Variants in TRABD2A observed in about 807,000 individuals in gnomAD.
TRABD2A encodes the protein metalloprotease TIKI1.
In TRABD2A, 43 loss-of-function variants were observed where a neutral mutation model predicts 45.6. The observed-to-expected ratio is 0.94, with a 90% CI of 0.74 to 1.22. The LOEUF (loss-of-function observed/expected upper bound fraction) is 1.22. TRABD2A is among the 50% of genes most tolerant of loss of function. The probability of loss-of-function intolerance (pLI) is 0.00; values close to 1 mark genes in which losing one functional copy is unlikely to be tolerated. For synonymous variants in TRABD2A, 269 were observed against 265.0 expected, an observed-to-expected ratio of 1.02 and a Z score of -0.15; for missense variants, 642 against 652.4, an observed-to-expected ratio of 0.98 and a Z score of 0.17.
At chr2:84,841,799 G>T in intron 3 of TRABD2A, 62 bp downstream of exon 3, 1 of 1,428,174 alleles carries the variant, frequency 7.0e-7, no homozygotes, top group Non-Finnish European at 9.2e-7. Context: ...ATGTTGCCAG[G>T]TAATGTTTTT....
chr2:84,831,025 G>A (rs1681314814), intron 5 of TRABD2A, among the ~76,000 whole-genome samples: 1 of 152,028 alleles, frequency 6.6e-6, no homozygotes, highest in South Asian at 2.1e-4. Flanking sequence ...GGATATTAGG[G>A]GCTGATGTGT....
chr2:84,842,586 G>A (rs1681748046), intron 2 of TRABD2A, among the ~76,000 whole-genome samples: 1 of 152,184 alleles, frequency 6.6e-6, no homozygotes, highest in South Asian at 2.1e-4. Flanking sequence ...AAAATTAGCT[G>A]GGCATGGTGG....
intron 1 of TRABD2A, chr2:84,874,689 C>T: frequency 5.4e-6 from 1 of 186,390 alleles, no homozygotes. Context: ...CTCATCTGTG[C>T]TGGCCACCAA....
intron 6 of TRABD2A, among the ~76,000 whole-genome samples, chr2:84,822,656 T>C (rs1681031623): frequency 6.6e-6 from 1 of 152,170 alleles, no homozygotes; most frequent in African/African-American, 2.4e-5. Flanking sequence ...ATGGCCTTGT[T>C]TGAAAAAGTA....
At chr2:84,829,878 C>T (rs1681274237) in intron 5 of TRABD2A, among the ~76,000 whole-genome samples, 1 of 150,014 alleles carries the variant, frequency 6.7e-6, no homozygotes, top group Admixed American at 6.7e-5. Flanking sequence ...ATGCACACTA[C>T]ACACACACAC....
intron 2 of TRABD2A, among the ~76,000 whole-genome samples, chr2:84,852,361 A>G (rs1265031355): frequency 6.6e-6 from 1 of 152,158 alleles, no homozygotes; most frequent in Non-Finnish European, 1.5e-5. Flanking sequence ...CACAACCAGC[A>G]TGACCATGCG....
intron 6 of TRABD2A, among the ~76,000 whole-genome samples, chr2:84,822,328 C>T (rs547220140): frequency 6.6e-6 from 1 of 152,364 alleles, no homozygotes; most frequent in South Asian, 2.1e-4. Context: ...GACTGGCTAA[C>T]TGTCCCTGGC....
chr2:84,877,730 G>C (rs913791160), intron 1 of TRABD2A, among the ~76,000 whole-genome samples: 9 of 152,104 alleles, frequency 5.9e-5, no homozygotes, highest in African/African-American at 2.2e-4. Flanking sequence ...AAAGAACAAG[G>C]CACAATGACA....
At chr2:84,878,384 G>C (rs529323485) in intron 1 of TRABD2A, among the ~76,000 whole-genome samples, 1 of 152,206 alleles carries the variant, frequency 6.6e-6, no homozygotes, top group South Asian at 2.1e-4. Context: ...AATTAGCCGG[G>C]CTTGGTGGTG....
intron 1 of TRABD2A, among the ~76,000 whole-genome samples, chr2:84,873,527 G>A (rs1014205317): frequency 1.3e-5 from 2 of 152,218 alleles, no homozygotes; most frequent in African/African-American, 4.8e-5. Flanking sequence ...CAGTAATAAG[G>A]GCCCCTGAGG....
intron 5 of TRABD2A, among the ~76,000 whole-genome samples, chr2:84,831,491 G>A (rs1007029862): frequency 2.0e-5 from 3 of 151,316 alleles, no homozygotes; most frequent in Admixed American, 1.3e-4. Flanking sequence ...GGCCTCCTGA[G>A]TTCTTTACAG....
intron 2 of TRABD2A, among the ~76,000 whole-genome samples, chr2:84,859,877 C>G (rs1682434905): frequency 6.6e-6 from 1 of 152,128 alleles, no homozygotes; most frequent in African/African-American, 2.4e-5. Flanking sequence ...CATTCTACAT[C>G]ACAGGTAGGA....
intron 2 of TRABD2A, among the ~76,000 whole-genome samples, chr2:84,847,628 AG>A (rs1046101324): frequency 5.3e-5 from 8 of 152,228 alleles, no homozygotes; most frequent in African/African-American, 1.9e-4. Context: ...AGCAGGCACA[AG>A]GGTCCTGGAT....
intron 2 of TRABD2A, among the ~76,000 whole-genome samples, chr2:84,859,905 G>A (rs1682435693): frequency 6.6e-6 from 1 of 151,956 alleles, no homozygotes; most frequent in East Asian, 1.9e-4. Context: ...AGTCCAAATG[G>A]CCTATCTGGC....
chr2:84,839,229 C>G lies in TRABD2A; in HGVS notation c.911G>C (p.Arg304Pro), dbSNP rs1286351398. ...CACCCGCTTCCCTATTCTCTCATTC[C>G]GCTTGTAGATCAGCTCCCGGCGTAA... ...SYLRRELIYK[R>P]NERIGKRVKA... The change falls in exon 4 of 7, where the codon CGG becomes CCG. Residue 304 changes from arginine (R) to proline (P), a missense_variant. Coordinates refer to ENST00000409520, the MANE Select transcript of TRABD2A (RefSeq NM_001277053.2). 1 of 1,613,802 alleles carries G rather than the reference C, an allele frequency of 6.2e-7. No individual in the cohort carries two copies. Among genetic ancestry groups the G allele is most frequent in the Non-Finnish European group, 8.5e-7 (1 of 1,179,890 alleles).
chr2:84,867,570 C>A, intron 2 of TRABD2A, among the ~76,000 whole-genome samples: 1 of 152,102 alleles, frequency 6.6e-6, no homozygotes, highest in Non-Finnish European at 1.5e-5. Context: ...GCAACAAAAG[C>A]CAAAATTGAC....
chr2:84,843,383 CA>C (rs1192738510), intron 2 of TRABD2A, among the ~76,000 whole-genome samples: 2 of 152,200 alleles, frequency 1.3e-5, no homozygotes, highest in African/African-American at 4.8e-5. Context: ...TACCCAGCCC[CA>C]ACCCCTTTCT....
chr2:84,836,391 A>T (rs1399128128), intron 4 of TRABD2A: 1 of 152,178 alleles, frequency 6.6e-6, no homozygotes, highest in Non-Finnish European at 1.5e-5. Flanking sequence ...TCTGGCTTGC[A>T]TGGCTTCTGA....
chr2:84,839,287 C>T lies in TRABD2A; in HGVS notation c.853G>A (p.Glu285Lys). ...NFINATLPPQ[E>K]RITAQEIDSY... is the part of the protein sequence containing the mutation. Reference sequence around the variant, plus strand: ...TCAATCTCCTGAGCAGTGATGCGCTCCTGAGGTGGTAGCGTGGCATTAATA... The same window carrying T: ...TCAATCTCCTGAGCAGTGATGCGCTTCTGAGGTGGTAGCGTGGCATTAATA... The change falls in exon 4 of 7, where the codon GAG becomes AAG. Residue 285 changes from glutamate (E) to lysine (K), a missense_variant. Physicochemically the swap from Glu to Lys is moderately conservative, Grantham distance 56 (BLOSUM62 1). Coordinates refer to ENST00000409520, the MANE Select transcript of TRABD2A (RefSeq NM_001277053.2). The T allele has an allele frequency of 6.2e-7, 1 of 1,613,386 alleles. No individual in the cohort carries two copies. The highest frequency in any genetic ancestry group is 8.5e-7 in the Non-Finnish European group (1 of 1,179,684).
Sources: gnomAD v4.1 joint callset for allele counts (sites outside exome capture counted in the v4.1 genomes callset) on GRCh38, gnomAD v4.1.1 for gene constraint, MANE v1.5 for transcripts, NCBI Gene and HGNC (gene_info 2026-07-23, HGNC 2026-07-21) for gene names.